DENND1A: variants seen among roughly 807,000 people sequenced by gnomAD.
The protein encoded by DENND1A is DENN domain-containing protein 1A.
In DENND1A, 51 loss-of-function variants were observed where a neutral mutation model predicts 113.7. That is an observed-to-expected ratio of 0.45 (90% CI 0.36 to 0.57). DENND1A has a LOEUF of 0.57. DENND1A is among the 20% of genes least tolerant of loss of function. DENND1A has a pLI of 0.00. For synonymous variants in DENND1A, 565 were observed against 570.8 expected (o/e 0.99, Z 0.14); for missense variants, 1,258 against 1,395.9 (o/e 0.90, Z 1.57).
chr9:123,546,506 C>G (rs941888080), intron 13 of DENND1A, among the ~76,000 whole-genome samples: 2 of 151,690 alleles, frequency 1.3e-5, no homozygotes, highest in Non-Finnish European at 2.9e-5. Flanking sequence ...GAGCCTAGAT[C>G]GCACCACTGC....
chr9:123,691,259 G>A (rs1334685149), intron 5 of DENND1A, among the ~76,000 whole-genome samples: 1 of 152,136 alleles, frequency 6.6e-6, no homozygotes, highest in Admixed American at 6.5e-5. Flanking sequence ...TGTCCTCAAG[G>A]AACTATTAAG....
intron 11 of DENND1A, among the ~76,000 whole-genome samples, chr9:123,590,702 C>T (rs867788527): frequency 6.6e-6 from 1 of 152,098 alleles, no homozygotes; most frequent in Non-Finnish European, 1.5e-5. Flanking sequence ...TGTCAAAATG[C>T]ATTGAACCAT....
At chr9:123,490,813 T>G (rs2051307463) in intron 13 of DENND1A, among the ~76,000 whole-genome samples, 1 of 152,258 alleles carries the variant, frequency 6.6e-6, no homozygotes, top group African/African-American at 2.4e-5. Flanking sequence ...CACAGGAAAC[T>G]GCTGTGTATT....
intron 2 of DENND1A, among the ~76,000 whole-genome samples, chr9:123,826,580 T>C (rs1023675874): frequency 6.6e-6 from 1 of 152,252 alleles, no homozygotes. Context: ...CCACATTCCA[T>C]GATACCCTTG....
intron 13 of DENND1A, among the ~76,000 whole-genome samples, chr9:123,486,971 C>T (rs2050931548): frequency 6.6e-6 from 1 of 152,156 alleles, no homozygotes; most frequent in South Asian, 2.1e-4. Context: ...TAGGGTAGCC[C>T]AGAAGTGATC....
At chr9:123,463,046 C>G (rs1321919785) in intron 13 of DENND1A, among the ~76,000 whole-genome samples, 1 of 152,178 alleles carries the variant, frequency 6.6e-6, no homozygotes, top group Non-Finnish European at 1.5e-5. Flanking sequence ...TCTCATTATT[C>G]TCCCCTGAAG....
chr9:123,867,254 T>TA (rs914745871), intron 2 of DENND1A, among the ~76,000 whole-genome samples: 21 of 152,094 alleles, frequency 1.4e-4, no homozygotes, highest in African/African-American at 4.8e-4. Flanking sequence ...AAGGTTTTTT[T>TA]AAAAAAAGTC....
At chr9:123,459,152 G>C (rs1564527843) in intron 13 of DENND1A, among the ~76,000 whole-genome samples, 12 of 152,188 alleles carry the variant, frequency 7.9e-5, no homozygotes. Context: ...CTGGGCAACA[G>C]AGTGAGACTC....
chr9:123,762,538 T>C (rs900895727), intron 4 of DENND1A, among the ~76,000 whole-genome samples: 7 of 152,248 alleles, frequency 4.6e-5, no homozygotes, highest in African/African-American at 9.6e-5. Flanking sequence ...AACTTTTACA[T>C]GTGAGCTTCA....
At chr9:123,455,690 G>A (rs1042189469) in intron 15 of DENND1A, among the ~76,000 whole-genome samples, 5 of 152,172 alleles carry the variant, frequency 3.3e-5, no homozygotes, top group South Asian at 2.1e-4. Context: ...TTGAACCCTC[G>A]GAGAGTGAGA....
intron 19 of DENND1A, among the ~76,000 whole-genome samples, chr9:123,423,378 C>T (rs991619608): frequency 1.1e-4 from 16 of 152,190 alleles, no homozygotes; most frequent in Admixed American, 1.3e-4. Context: ...TCCTGCAACT[C>T]GGCGCTCATC....
chr9:123,403,596 G>T, intron 20 of DENND1A, 106 bp from the exon 21 acceptor site: 1 of 1,017,416 alleles, frequency 9.8e-7, no homozygotes, highest in Non-Finnish European at 1.5e-6. Context: ...AACGTTTAGG[G>T]ATTTTCAAAG....
intron 2 of DENND1A, among the ~76,000 whole-genome samples, chr9:123,852,579 C>T (rs566307803): frequency 6.6e-6 from 1 of 152,300 alleles, no homozygotes; most frequent in Non-Finnish European, 1.5e-5. Flanking sequence ...TGAAGAAAGC[C>T]AGTCTGTCAT....
intron 11 of DENND1A, among the ~76,000 whole-genome samples, chr9:123,608,168 T>A (rs928945219): frequency 6.6e-6 from 1 of 152,194 alleles, no homozygotes; most frequent in Non-Finnish European, 1.5e-5. Context: ...TAACAGAATG[T>A]AGGAGCCACA....
intron 9 of DENND1A, among the ~76,000 whole-genome samples, chr9:123,632,078 G>A (rs907070184): frequency 3.3e-5 from 5 of 152,238 alleles, no homozygotes; most frequent in African/African-American, 1.2e-4. Context: ...ACGTGCCAAG[G>A]CCCAGTTAAA....
At chr9:123,435,930 T>A (rs796507065) in intron 19 of DENND1A, among the ~76,000 whole-genome samples, 5 of 152,346 alleles carry the variant, frequency 3.3e-5, no homozygotes, top group African/African-American at 1.2e-4. Context: ...AAGTCAGTGC[T>A]CACGGATGTG....
At chr9:123,457,272 C>A (rs1466972268) in intron 15 of DENND1A, 76 bp downstream of exon 15, 13 of 1,131,170 alleles carry the variant, frequency 1.1e-5, no homozygotes, top group Non-Finnish European at 1.5e-5. Flanking sequence ...AAAAGCAAGT[C>A]ACTGCCACTC....
chr9:123,929,872 G>T lies in DENND1A; in HGVS notation c.17+17C>A, dbSNP rs1370708022. On this transcript the variant is annotated intron_variant, in intron 1 of 23. Coordinates refer to ENST00000394215, the MANE Select transcript of DENND1A (RefSeq NM_001352964.2). ...CCCCGCGCCCGGCCCGGCTCCGCCC[G>T]GCCCGGCCGCACTCACTTGATCCTG... is the stretch of plus-strand genomic sequence containing the variant. 2 of 265,116 alleles carry T rather than the reference G, an allele frequency of 7.5e-6. No individual in the cohort carries two copies. The highest frequency in any genetic ancestry group is 1.4e-5 in the Non-Finnish European group (2 of 143,758). The allele number at this position is 265,116 out of a possible 1,614,324, so 16.4% of individuals were successfully genotyped here.
At chr9:123,929,077 A>C (rs915734318) in intron 1 of DENND1A, among the ~76,000 whole-genome samples, 17 of 152,186 alleles carry the variant, frequency 1.1e-4, no homozygotes, top group African/African-American at 3.9e-4. Flanking sequence ...ACACACCCAA[A>C]TTGGACCGCT....
Sources: gnomAD v4.1 joint callset for allele counts (sites outside exome capture counted in the v4.1 genomes callset) on GRCh38, gnomAD v4.1.1 for gene constraint, MANE v1.5 for transcripts, NCBI Gene and HGNC (gene_info 2026-07-23, HGNC 2026-07-21) for gene names.